Variants in TRPM7 observed in about 807,000 individuals in gnomAD.
TRPM7 encodes LTRPC ion channel family member 7.
Under a neutral mutation model 229.7 loss-of-function variants are expected in TRPM7, and 134 were observed. That is an observed-to-expected ratio of 0.58 (90% CI 0.51 to 0.67). The LOEUF is 0.67. Ranked by LOEUF, TRPM7 falls within the 30% of genes least tolerant of loss-of-function variation. TRPM7 has a pLI of 0.00. For synonymous variants in TRPM7, 699 were observed against 715.2 expected (o/e 0.98, Z 0.36); for missense variants, 1,901 against 2,210.0 (o/e 0.86, Z 2.80).
chr15:50,610,030 C>T, intron 17 of TRPM7, 69 bp from the exon 18 acceptor site: 1 of 1,143,694 alleles, frequency 8.7e-7, no homozygotes, highest in Non-Finnish European at 1.2e-6. Flanking sequence ...AAAAACAAAA[C>T]AAAGAATAAA....
chr15:50,642,110 T>C (rs1406908020), intron 5 of TRPM7, among the ~76,000 whole-genome samples: 1 of 152,170 alleles, frequency 6.6e-6, no homozygotes, highest in Non-Finnish European at 1.5e-5. Flanking sequence ...AACCTGTATA[T>C]GTGATAGGGA....
chr15:50,573,917 C>T (rs926219843), intron 36 of TRPM7, among the ~76,000 whole-genome samples: 8 of 151,876 alleles, frequency 5.3e-5, no homozygotes, highest in Admixed American at 1.3e-4. Flanking sequence ...ATTAGCTGGG[C>T]GTGGTGGCAG....
rs1430246493 is a variant in TRPM7 at position 50,637,581 on chromosome 15, A to G, written c.673T>C (p.Tyr225His). The change falls in exon 7 of 39, where the codon TAT becomes CAT. Residue 225 changes from tyrosine (Y) to histidine (H), a missense_variant. Tyr to His is a moderately conservative substitution (Grantham distance 83). This residue lies in a region of TRPM7 where 794 missense variants were observed against 881.9 expected (regional missense o/e 0.90). Transcript: ENST00000646667. ...DLVGRDVVAPYQTLLNPLSKL... is the reference protein window; with the variant it reads ...DLVGRDVVAPHQTLLNPLSKL... ...CTCAGGGGGTTCAATAAGGTTTGAT[A>G]AGGAGCAACCACCTAAACAATAGCA... The G allele has an allele frequency of 6.2e-7, 1 of 1,613,744 alleles. No individual in the cohort carries two copies. Among genetic ancestry groups the G allele is most frequent in the South Asian group, 1.1e-5 (1 of 90,980 alleles).
In TRPM7 at chr15:50,575,114, C is replaced by T. The variant is rs768703217; in HGVS notation, c.4757G>A (p.Arg1586His). ...TATGTTGGGTGAACTCTCTTCCAAA[C>T]GATACACTGTGACAGGCTCCCCTGC... Reference protein sequence around the residue: ...PPRGEPVTVYRLEESSPNILN... With the variant: ...PPRGEPVTVYHLEESSPNILN... The change falls in exon 34 of 39, where the codon CGT becomes CAT. Residue 1586 changes from arginine to histidine, a missense_variant. By Grantham distance (29) the Arg-to-His change is conservative (BLOSUM62 0). Coordinates refer to ENST00000646667, the MANE Select transcript of TRPM7 (RefSeq NM_017672.6). 8 of 1,608,270 alleles carry T rather than the reference C, an allele frequency of 5.0e-6. No individual in the cohort carries two copies. Among genetic ancestry groups the T allele is most frequent in the East Asian group, 2.2e-5 (1 of 44,756 alleles).
At chr15:50,633,402 T>C (rs907378060) in intron 8 of TRPM7, among the ~76,000 whole-genome samples, 2 of 152,208 alleles carry the variant, frequency 1.3e-5, no homozygotes, top group African/African-American at 4.8e-5. Context: ...AAACATAAAA[T>C]GTTAAAACAT....
At chr15:50,569,454 G>A (rs2053765415) in intron 38 of TRPM7, among the ~76,000 whole-genome samples, 1 of 152,046 alleles carries the variant, frequency 6.6e-6, no homozygotes, top group South Asian at 2.1e-4. Context: ...TAGTTTCCCA[G>A]GATCATTCCC....
intron 19 of TRPM7, 99 bp downstream of exon 19, chr15:50,609,482 G>T: frequency 8.6e-7 from 1 of 1,160,806 alleles, no homozygotes; most frequent in African/African-American, 1.6e-5. Flanking sequence ...TGCCTTTTCA[G>T]TGATCTAAGT....
intron 3 of TRPM7, among the ~76,000 whole-genome samples, chr15:50,655,512 G>C (rs1203959142): frequency 1.3e-5 from 2 of 148,784 alleles, no homozygotes; most frequent in Non-Finnish European, 3.0e-5. Flanking sequence ...TACGCAAGCA[G>C]AATAAGTACA....
intron 11 of TRPM7, among the ~76,000 whole-genome samples, chr15:50,625,353 TTC>T (rs1013278435): frequency 6.6e-6 from 1 of 152,184 alleles, no homozygotes; most frequent in Non-Finnish European, 1.5e-5. Context: ...GTATTACCAT[TTC>T]TTTCTCCAAT....
chr15:50,593,801 C>T (rs1383035897), intron 24 of TRPM7, 52 bp from the exon 25 acceptor site: 4 of 1,539,996 alleles, frequency 2.6e-6, no homozygotes, highest in Non-Finnish European at 3.5e-6. Context: ...AAGGTTTCAA[C>T]TTTAGCTCAT....
chr15:50,592,366 T>C lies in TRPM7; in HGVS notation c.3869A>G (p.Lys1290Arg). 1 of 1,614,180 alleles carries C rather than the reference T, an allele frequency of 6.2e-7. No homozygotes were observed. The highest frequency in any genetic ancestry group is 8.5e-7 in the Non-Finnish European group (1 of 1,180,030). Residue 1290 changes from lysine (K) to arginine (R), a missense_variant, in exon 26 of 39, where the codon AAA becomes AGA. By Grantham distance (26) the Lys-to-Arg change is conservative. Coordinates refer to ENST00000646667, the MANE Select transcript of TRPM7 (RefSeq NM_017672.6). ...DDGPVRPSVW[K>R]KHGVVNTLSS... ...AAGTGTATTTACAACACCATGCTTT[T>C]TCCATACAGAAGGTCTTACAGGACC... is the stretch of plus-strand genomic sequence containing the variant.
chr15:50,641,457 A>G (rs1032901036), intron 5 of TRPM7, among the ~76,000 whole-genome samples: 1 of 151,922 alleles, frequency 6.6e-6, no homozygotes, highest in Non-Finnish European at 1.5e-5. Context: ...TTTCTCCTCA[A>G]CTGTCACCTT....
At chr15:50,587,621 C>G (rs1046164421) in intron 27 of TRPM7, among the ~76,000 whole-genome samples, 2 of 152,032 alleles carry the variant, frequency 1.3e-5, no homozygotes, top group African/African-American at 4.8e-5. Context: ...TGATGCTTTA[C>G]CTTTTCCCAT....
intron 12 of TRPM7, among the ~76,000 whole-genome samples, chr15:50,621,364 A>T (rs976679689): frequency 2.0e-5 from 3 of 152,042 alleles, no homozygotes; most frequent in African/African-American, 7.3e-5. Flanking sequence ...AAGGCACTTA[A>T]AATTTCTTAA....
Position 50,657,796 on chromosome 15 carries a change from C to T in TRPM7, c.107G>A (p.Cys36Tyr). The T allele has an allele frequency of 6.2e-7, 1 of 1,611,538 alleles. No homozygotes were observed. The highest frequency in any genetic ancestry group is 8.5e-7 in the Non-Finnish European group (1 of 1,178,488). ...TTAAACTTACCTGACGAGTTGCTGA[C>T]AAATTTGACATCCTGGAAGGCATCT... Reference protein sequence around the residue: ...PHRCLPGCQICQQLVRCFCGR... With the variant: ...PHRCLPGCQIYQQLVRCFCGR... The change falls in exon 3 of 39, where the codon TGT (cysteine) becomes TAT (tyrosine). Residue 36 changes from cysteine (C) to tyrosine (Y), a missense_variant. This residue lies in a region of TRPM7 where 794 missense variants were observed against 881.9 expected (regional missense o/e 0.90). Transcript: ENST00000646667.
chr15:50,628,350 C>T lies in TRPM7; in HGVS notation c.1205-101G>A, dbSNP rs76959859. On this transcript the variant is annotated intron_variant, in intron 10 of 38. Transcript: ENST00000646667. ...TAAGAGATGGGGTCTTGGTCTGTTGCTCAGGCTAAAGTGCAAAGGTGATCA... is the reference window on the plus strand; with the variant it reads ...TAAGAGATGGGGTCTTGGTCTGTTGTTCAGGCTAAAGTGCAAAGGTGATCA... 6,391 of 772,210 alleles carry T rather than the reference C, an allele frequency of 8.3e-3. 337 individuals are homozygous for T. The African/African-American group carries it at 0.1, about 12-fold the overall frequency. 47.8% of individuals were successfully genotyped at this position (772,210 alleles called of 1,614,324 possible). A position where few individuals can be genotyped will look rare whatever the true frequency, so the allele number is the denominator to read the frequency against.
intron 38 of TRPM7, among the ~76,000 whole-genome samples, chr15:50,564,258 TAAA>T (rs1260131622): frequency 1.4e-3 from 62 of 43,814 alleles, no homozygotes; most frequent in African/African-American, 4.9e-3. Context: ...AAAAATAAAA[TAAA>T]ATAAAATAAA....
chr15:50,566,053 G>A (rs1171227781), intron 38 of TRPM7, among the ~76,000 whole-genome samples: 2 of 151,950 alleles, frequency 1.3e-5, no homozygotes, highest in African/African-American at 2.4e-5. Flanking sequence ...TCGACCTCCT[G>A]ACTTCAGGTG....
At chr15:50,661,093 T>C (rs574845720) in intron 2 of TRPM7, among the ~76,000 whole-genome samples, 60 of 152,036 alleles carry the variant, frequency 3.9e-4, no homozygotes, top group Non-Finnish European at 6.8e-4. Context: ...TCTCCTGCCT[T>C]AGCCTCCCAA....
Sources: allele counts gnomAD v4.1 joint callset (sites outside exome capture counted in the v4.1 genomes callset), GRCh38; gene constraint gnomAD v4.1.1; regional missense constraint gnomAD v4.1.1; transcripts MANE v1.5; gene names NCBI Gene and HGNC (gene_info 2026-07-23, HGNC 2026-07-21).